Variants in TGM2 observed in about 807,000 individuals in gnomAD.
TGM2 encodes protein-glutamine gamma-glutamyltransferase 2.
Under a neutral mutation model 75.6 loss-of-function variants are expected in TGM2, and 53 were observed. The ratio of observed to expected loss-of-function variants is 0.70; its 90% CI spans 0.56 to 0.88. The LOEUF (loss-of-function observed/expected upper bound fraction) is 0.88, where lower values mean the gene tolerates loss of function less well. Ranked by LOEUF, TGM2 falls within the 40% of genes least tolerant of loss-of-function variation. The pLI, the probability that TGM2 is intolerant of heterozygous loss-of-function variation, is 0.00. For missense variants in TGM2, 842 were observed against 928.5 expected (o/e 0.91, Z 1.21); for synonymous variants, 374 against 381.1 (o/e 0.98, Z 0.22).
intron 2 of TGM2, among the ~76,000 whole-genome samples, chr20:38,158,947 T>C (rs2075220826): frequency 6.6e-6 from 1 of 152,282 alleles, no homozygotes; most frequent in African/African-American, 2.4e-5. Context: ...CTTGGTTGCT[T>C]GGACAGGGAA....
chr20:38,161,695 C>T, intron 1 of TGM2, 96 bp from the exon 2 acceptor site: 3 of 1,418,694 alleles, frequency 2.1e-6, no homozygotes, highest in South Asian at 2.3e-5. Context: ...CTTGTGCCCT[C>T]TTACTCCCCA....
Position 38,139,651 on chromosome 20 carries a change from G to T in TGM2, c.1103C>A (p.Thr368Lys), listed in dbSNP as rs372235586. The stretch of plus-strand genomic sequence containing the variant: ...AACTGGAACTGGGCCACAGCAGTAC[G>T]TCCCTGGCAGAGGTAGAAAGGGGAA... ...DPTPQEKSEG[T>K]YCCGPVPVRA... Residue 368 changes from threonine to lysine, a missense_variant, in exon 9 of 13, where the codon ACG becomes AAG. Physicochemically the swap from Thr to Lys is moderately conservative, Grantham distance 78. Transcript: ENST00000361475. 10 of 1,614,112 alleles carry T rather than the reference G, an allele frequency of 6.2e-6. No individual in the cohort carries two copies. Among genetic ancestry groups the T allele is most frequent in the Non-Finnish European group, 8.5e-6 (10 of 1,180,006 alleles).
intron 9 of TGM2, among the ~76,000 whole-genome samples, chr20:38,138,826 C>G (rs2074933273): frequency 6.6e-6 from 1 of 152,224 alleles, no homozygotes; most frequent in Non-Finnish European, 1.5e-5. Flanking sequence ...TCTCTGATTG[C>G]TCCCTTCCTT....
chr20:38,162,932 C>T (rs1487607802), intron 1 of TGM2, among the ~76,000 whole-genome samples: 1 of 152,104 alleles, frequency 6.6e-6, no homozygotes, highest in Non-Finnish European at 1.5e-5. Flanking sequence ...TTGGAGACTT[C>T]CAGAGGTAGG....
At chr20:38,132,313 C>A (rs1241549170) in intron 11 of TGM2, 27 bp downstream of exon 11, 16 of 1,613,692 alleles carry the variant, frequency 9.9e-6, no homozygotes, top group Non-Finnish European at 1.4e-5. Flanking sequence ...GCCCTGGGAC[C>A]CTGCCCCTTG....
intron 10 of TGM2, among the ~76,000 whole-genome samples, chr20:38,135,885 C>G (rs1255640365): frequency 1.3e-5 from 2 of 152,198 alleles, no homozygotes; most frequent in African/African-American, 4.8e-5. Context: ...CGCATCCTCT[C>G]CCTCAGTCCT....
intron 6 of TGM2, chr20:38,146,380 C>G: frequency 2.4e-6 from 1 of 411,542 alleles, no homozygotes; most frequent in South Asian, 2.2e-5. Context: ...AGAAAGAAGT[C>G]ATTTGCTCAA....
At chr20:38,157,694 C>T (rs2075204830) in intron 2 of TGM2, among the ~76,000 whole-genome samples, 1 of 152,206 alleles carries the variant, frequency 6.6e-6, no homozygotes, top group Non-Finnish European at 1.5e-5. Context: ...TCCCACAAGG[C>T]ACCTGGTGTA....
upstream of TGM2, among the ~76,000 whole-genome samples, chr20:38,167,979 G>A (rs974613206): frequency 1.2e-4 from 18 of 152,190 alleles, no homozygotes; most frequent in African/African-American, 4.3e-4. Context: ...GACTGAGTGA[G>A]CTAATTCATG....
At chr20:38,151,815 C>G (rs1410389908) in intron 3 of TGM2, among the ~76,000 whole-genome samples, 1 of 152,142 alleles carries the variant, frequency 6.6e-6, no homozygotes, top group Non-Finnish European at 1.5e-5. Flanking sequence ...CCAGAAAGCA[C>G]AAAGCTTTGG....
In TGM2 at chr20:38,131,248, C is replaced by T; in HGVS notation, c.1777-19G>A. 6.2e-7 allele frequency: 1 copy of T among 1,613,350 alleles called. No individual in the cohort carries two copies. Among genetic ancestry groups the T allele is most frequent in the Non-Finnish European group, 8.5e-7 (1 of 1,179,984 alleles). The stretch of plus-strand genomic sequence containing the variant: ...CAAGGATCTGGAAGAGGGCATGGGG[C>T]AGATGTCAAGGGCAGGTGGGATCCA... On this transcript the variant is annotated intron_variant, in intron 11 of 12. Transcript: ENST00000361475.
At position 38,156,083 on chromosome 20, in the gene TGM2, G is replaced by A. The variant is rs1425299786; in HGVS notation, c.197C>T (p.Ala66Val). 2 of 1,612,604 alleles carry A rather than the reference G, an allele frequency of 1.2e-6. No homozygotes were observed. The highest frequency in any genetic ancestry group is 1.7e-6 in the Non-Finnish European group (2 of 1,179,792). Reference protein sequence around the residue: ...SLTFSVVTGPAPSQEAGTKAR... With the variant: ...SLTFSVVTGPVPSQEAGTKAR... ...CTTGGTCCCGGCCTCCTGGCTAGGG[G>A]CTGGGCCTGTGGAGGGAGAAGCAGT... The change falls in exon 3 of 13, where the codon GCC (alanine) becomes GTC (valine). Residue 66 changes from alanine (A) to valine (V), a missense_variant. Physicochemically the swap from Ala to Val is moderately conservative, Grantham distance 64. Transcript: ENST00000361475.
chr20:38,153,038 C>G (rs1036185540), intron 3 of TGM2, among the ~76,000 whole-genome samples: 117 of 84,898 alleles, frequency 1.4e-3, no homozygotes, highest in Middle Eastern at 8.5e-3. Flanking sequence ...ACCTATGGGG[C>G]GGGGGGGGGG....
Position 38,139,571 on chromosome 20 carries a change from C to T in TGM2, c.1183G>A (p.Ala395Thr). ...STKYDAPFVF[A>T]EVNADVVDWI... Reference sequence around the variant, plus strand: ...TCTACCACGTCGGCATTGACCTCCGCAAAGACAAAGGGCGCATCGTACTTG... The same window carrying T: ...TCTACCACGTCGGCATTGACCTCCGTAAAGACAAAGGGCGCATCGTACTTG... Residue 395 changes from alanine (A) to threonine (T), a missense_variant, in exon 9 of 13, where the codon GCG becomes ACG. Ala to Thr is a moderately conservative substitution (Grantham distance 58, BLOSUM62 0). Coordinates refer to ENST00000361475, the MANE Select transcript of TGM2 (RefSeq NM_004613.4). 6.2e-7 allele frequency: 1 copy of T among 1,614,202 alleles called. No individual in the cohort carries two copies. The highest frequency in any genetic ancestry group is 8.5e-7 in the Non-Finnish European group (1 of 1,180,038).
At chr20:38,152,316 C>T (rs1179765157) in intron 3 of TGM2, among the ~76,000 whole-genome samples, 1 of 152,202 alleles carries the variant, frequency 6.6e-6, no homozygotes, top group African/African-American at 2.4e-5. Context: ...ACCAGCAGCC[C>T]TGACTTTCAT....
At chr20:38,151,367 C>T (rs1181262195) in intron 3 of TGM2, among the ~76,000 whole-genome samples, 1 of 151,956 alleles carries the variant, frequency 6.6e-6, no homozygotes, top group African/African-American at 2.4e-5. Context: ...CCTTGAAAGC[C>T]CCATTTTAAA....
chr20:38,139,988 A>T (rs2074951074), intron 8 of TGM2, among the ~76,000 whole-genome samples: 1 of 152,266 alleles, frequency 6.6e-6, no homozygotes, highest in African/African-American at 2.4e-5. Context: ...CTCATAGCCT[A>T]TACTAAATGC....
chr20:38,153,750 A>C (rs1222611323), intron 3 of TGM2, among the ~76,000 whole-genome samples: 1 of 152,056 alleles, frequency 6.6e-6, no homozygotes, highest in African/African-American at 2.4e-5. Flanking sequence ...AATATCTAAC[A>C]ATGGTGTCCC....
chr20:38,139,502 G>C lies in TGM2; in HGVS notation c.1252C>G (p.Arg418Gly), dbSNP rs936429184. 1 of 1,614,072 alleles carries C rather than the reference G, an allele frequency of 6.2e-7. No homozygotes were observed. The highest frequency in any genetic ancestry group is 1.7e-5 in the Admixed American group (1 of 59,990). ...ATCTTCAGCCCAACGATCAGGGAAC[G>C]GTTGATGGATTTGTGCACAGACCCA... ...DDGSVHKSINRSLIVGLKIST... is the reference protein window; with the variant it reads ...DDGSVHKSINGSLIVGLKIST... Residue 418 changes from arginine (R) to glycine (G), a missense_variant, in exon 9 of 13, where the codon CGT becomes GGT. Arg to Gly is a moderately radical substitution (Grantham distance 125). Coordinates refer to ENST00000361475, the MANE Select transcript of TGM2 (RefSeq NM_004613.4).
Sources: gnomAD v4.1 joint callset for allele counts (sites outside exome capture counted in the v4.1 genomes callset) on GRCh38, gnomAD v4.1.1 for gene constraint, MANE v1.5 for transcripts, NCBI Gene and HGNC (gene_info 2026-07-23, HGNC 2026-07-21) for gene names.